Variants in TEDC1 observed in about 807,000 individuals in gnomAD.
TEDC1 encodes the protein tubulin epsilon and delta complex protein 1.
Under a neutral mutation model 59.9 loss-of-function variants are expected in TEDC1, and 54 were observed. The ratio of observed to expected loss-of-function variants is 0.90; its 90% CI spans 0.72 to 1.13. The LOEUF (loss-of-function observed/expected upper bound fraction) is 1.13. Ranked by LOEUF, TEDC1 falls within the 50% of genes most tolerant of loss-of-function variation. The pLI is 0.00. For synonymous variants in TEDC1, 353 were observed against 298.1 expected, an observed-to-expected ratio of 1.18 and a Z score of -1.90; for missense variants, 734 against 683.4, an observed-to-expected ratio of 1.07 and a Z score of -0.83.
chr14:105,492,179 C>G lies in TEDC1; in HGVS notation c.299C>G (p.Pro100Arg). The G allele has an allele frequency of 6.2e-7, 1 of 1,612,984 alleles. No homozygotes were observed. The highest frequency in any genetic ancestry group is 8.5e-7 in the Non-Finnish European group (1 of 1,179,898). Residue 100 changes from proline (P) to arginine (R), a missense_variant, in exon 3 of 9, where the codon CCT (proline) becomes CGT (arginine). Coordinates refer to ENST00000392523, the MANE Select transcript of TEDC1 (RefSeq NM_001367178.1). ...GYPRLALAQL[P>R]EDGSQGSREL... ...CCGAGGCTGGCACTGGCACAACTAC[C>G]TGAGGATGGCTCGCAGGGCAGTCGG...
chr14:105,496,413 G>T lies in TEDC1; in HGVS notation c.891+327G>T, dbSNP rs587727120. 20 of 317,126 alleles carry T rather than the reference G, an allele frequency of 6.3e-5. No individual in the cohort carries two copies. The East Asian group carries it at 1.5e-3, about 25-fold the overall frequency. 19.6% of individuals were successfully genotyped at this position (317,126 alleles called of 1,614,324 possible). The stretch of plus-strand genomic sequence containing the variant: ...GGCCTGCCTGCCTCTGCTCTGCTCC[G>T]CCCCAGAGGGGCTGGGTTGGACCTG... On this transcript the variant is annotated intron_variant, in intron 6 of 8. Transcript: ENST00000392523.
rs781894955 is a variant in TEDC1 at position 105,493,878 on chromosome 14, G to C, written c.629G>C (p.Ser210Thr). Residue 210 changes from serine (S) to threonine (T), a missense_variant, in exon 5 of 9, where the codon AGC becomes ACC. Transcript: ENST00000392523. ...GGCTGCCACAGCGACCAGAGCCTTAGCCATCTGTCTGTCACTGAAGCAGAG... is the reference window on the plus strand; with the variant it reads ...GGCTGCCACAGCGACCAGAGCCTTACCCATCTGTCTGTCACTGAAGCAGAG... ...TRGCHSDQSL[S>T]HLSVTEAEML... The C allele has an allele frequency of 1.0e-5, 16 of 1,591,624 alleles. No homozygotes were observed. The highest frequency in any genetic ancestry group is 1.4e-5 in the Non-Finnish European group (16 of 1,171,306).
In TEDC1 at chr14:105,497,865, G is replaced by A; in HGVS notation, c.1046G>A (p.Trp349Ter). The change falls in exon 8 of 9, where the codon TGG becomes TAG. Residue 349 changes from tryptophan (W) to a stop codon, truncating the protein, a stop_gained. Transcript: ENST00000392523. LOFTEE classifies it high-confidence loss of function. The stretch of plus-strand genomic sequence containing the variant: ...GCCTCACAGCCCACCTTCCTGCCCT[G>A]GGTCCCCGAGCGCGGGGGTGGCGAG... The part of the protein sequence containing the change: ...AAASQPTFLP[W>*]VPERGGGELD... 1 of 1,565,714 alleles carries A rather than the reference G, an allele frequency of 6.4e-7. No homozygotes were observed. Among genetic ancestry groups the A allele is most frequent in the East Asian group, 2.4e-5 (1 of 42,462 alleles).
chr14:105,498,887 C>T lies in TEDC1; in HGVS notation c.1429C>T (p.Leu477=). The change falls in exon 9 of 9, where the codon CTG becomes TTG. Residue 477 remains leucine, a synonymous_variant. Coordinates refer to ENST00000392523, the MANE Select transcript of TEDC1 (RefSeq NM_001367178.1). ...ACTACAGGGACAGTGTCGGCAGGAACTGGCCAGGCTGGTGGGAGCCCGCCC... is the reference window on the plus strand; with the variant it reads ...ACTACAGGGACAGTGTCGGCAGGAATTGGCCAGGCTGGTGGGAGCCCGCCC... ...RRLQGQCRQE[L]ARLVGARPGL... 3.1e-6 allele frequency: 5 copies of T among 1,611,814 alleles called. No homozygotes were observed. The highest frequency in any genetic ancestry group is 4.2e-6 in the Non-Finnish European group (5 of 1,179,732).
At chr14:105,495,660 T>C in intron 5 of TEDC1, 1 of 561,262 alleles carries the variant, frequency 1.8e-6, no homozygotes, top group Non-Finnish European at 3.2e-6. Flanking sequence ...ACCTGCCTTG[T>C]AGAGGCGGCT....
In TEDC1 at chr14:105,496,028, C is replaced by T. The variant is rs1261651654; in HGVS notation, c.833C>T (p.Ala278Val). ...CCAGGTCTGCTGCCGGGTGACTGGG[C>T]AGCACCCTTGGATCCTGGTGGGGCC... ...EQPGLLPGDW[A>V]APLDPGGASA... Residue 278 changes from alanine (A) to valine (V), a missense_variant, in exon 6 of 9, where the codon GCA becomes GTA. Coordinates refer to ENST00000392523, the MANE Select transcript of TEDC1 (RefSeq NM_001367178.1). 6 of 1,549,902 alleles carry T rather than the reference C, an allele frequency of 3.9e-6. No homozygotes were observed. The highest frequency in any genetic ancestry group is 5.2e-6 in the Non-Finnish European group (6 of 1,146,826).
intron 5 of TEDC1, chr14:105,495,463 C>G (rs1329783821): frequency 5.7e-6 from 1 of 175,526 alleles, no homozygotes; most frequent in East Asian, 1.7e-4. Flanking sequence ...CTCTGCAGCC[C>G]AAGCCTGGGG....
Position 105,497,382 on chromosome 14 carries a change from A to G in TEDC1, c.917A>G (p.Asn306Ser). ...RALLRTLERE[N>S]QRLEAVLAWR... ...CTGCTGCGGACTCTGGAGCGTGAGA[A>G]CCAGCGCCTGGAGGCTGTCCTGGCG... is the stretch of plus-strand genomic sequence containing the variant. Residue 306 changes from asparagine (N) to serine (S), a missense_variant, in exon 7 of 9, where the codon AAC (asparagine) becomes AGC (serine). Transcript: ENST00000392523. 6.4e-7 allele frequency: 1 copy of G among 1,552,460 alleles called. No homozygotes were observed.
Position 105,491,443 on chromosome 14 carries a change from T to A in TEDC1, c.68T>A (p.Ile23Asn). The A allele has an allele frequency of 6.9e-7, 1 of 1,451,500 alleles. No homozygotes were observed. Among genetic ancestry groups the A allele is most frequent in the Non-Finnish European group, 9.0e-7 (1 of 1,107,106 alleles). The allele number at this position is 1,451,500 out of a possible 1,614,324, so 89.9% of individuals were successfully genotyped here. The change falls in exon 1 of 9, where the codon ATC becomes AAC. Residue 23 changes from isoleucine (I) to asparagine (N), a missense_variant. Ile to Asn is a moderately radical substitution (Grantham distance 149, BLOSUM62 -3). Coordinates refer to ENST00000392523, the MANE Select transcript of TEDC1 (RefSeq NM_001367178.1). ...CGGGCCGGGGCCCTGCCTGAGGCCA[T>A]CGCCGCGTTGAGTCGGTCGCTGCCC... ...GARAGALPEA[I>N]AALSRSLPSG... is the part of the protein sequence containing the mutation.
Position 105,493,815 on chromosome 14 carries a change from G to A in TEDC1, c.586-20G>A. ...GTGCTTGACTGCCACTCAGCCTGGG[G>A]TCTGCACTACCTGTTTTAGATCCAC... On this transcript the variant is annotated intron_variant, in intron 4 of 8. Coordinates refer to ENST00000392523, the MANE Select transcript of TEDC1 (RefSeq NM_001367178.1). 6.3e-7 allele frequency: 1 copy of A among 1,585,224 alleles called. No homozygotes were observed. Among genetic ancestry groups the A allele is most frequent in the Non-Finnish European group, 8.6e-7 (1 of 1,161,420 alleles).
In TEDC1 at chr14:105,499,073, C is replaced by T. The variant is rs782609556; in HGVS notation, c.*127C>T. The T allele has an allele frequency of 1.2e-4, 130 of 1,055,878 alleles. No homozygotes were observed. Among genetic ancestry groups the T allele is most frequent in the Non-Finnish European group, 1.4e-4 (108 of 748,554 alleles). 65.4% of individuals were successfully genotyped at this position (1,055,878 alleles called of 1,614,324 possible). On this transcript the variant is annotated 3_prime_UTR_variant, in exon 9 of 9. Transcript: ENST00000392523. ...AGATGCAGAGCCCACGTCACATGCT[C>T]GCTCCAGGGGTGGGGCTGGGCTGAC...
chr14:105,491,259 A>G lies in TEDC1; in HGVS notation c.-117A>G, dbSNP rs1555439170. The G allele has an allele frequency of 6.5e-7, 1 of 1,529,424 alleles. No homozygotes were observed. The highest frequency in any genetic ancestry group is 8.8e-7 in the Non-Finnish European group (1 of 1,140,888). 94.7% of individuals were successfully genotyped at this position (1,529,424 alleles called of 1,614,324 possible). ...ATGATTGGGCTCAGGTTCCAGCCGGAGCGGTAACTGGGCGCAGGTCCCAGC... is the reference window on the plus strand; with the variant it reads ...ATGATTGGGCTCAGGTTCCAGCCGGGGCGGTAACTGGGCGCAGGTCCCAGC... On this transcript the variant is annotated 5_prime_UTR_variant, in exon 1 of 9. Coordinates refer to ENST00000392523, the MANE Select transcript of TEDC1 (RefSeq NM_001367178.1).
At chr14:105,495,092 C>T (rs2084315435) in intron 5 of TEDC1, 1 of 152,328 alleles carries the variant, frequency 6.6e-6, no homozygotes, top group Non-Finnish European at 1.5e-5. Flanking sequence ...AGGCTGGTCT[C>T]GAACTCCTGA....
intron 6 of TEDC1, 179 bp from the exon 7 acceptor site, chr14:105,497,178 C>G: frequency 1.5e-6 from 1 of 684,770 alleles, no homozygotes; most frequent in Admixed American, 2.5e-5. Context: ...CGCACCACAC[C>G]AGGGTGCCCT....
intron 8 of TEDC1, 42 bp from the exon 9 acceptor site, chr14:105,498,575 T>G (rs782280793): frequency 3.4e-5 from 51 of 1,480,134 alleles, no homozygotes; most frequent in Non-Finnish European, 4.5e-5. Flanking sequence ...CTGAGGCCAG[T>G]GTCCTGGGGG....
upstream of TEDC1, chr14:105,491,112 C>G (rs1567071558): frequency 6.4e-7 from 1 of 1,551,310 alleles, no homozygotes; most frequent in African/African-American, 1.4e-5. Context: ...CATGTCCGGC[C>G]AGCGCGGTGA....
intron 6 of TEDC1, 68 bp downstream of exon 6, chr14:105,496,154 A>C: frequency 2.5e-5 from 2 of 80,026 alleles, no homozygotes; most frequent in Middle Eastern, 4.1e-3. Context: ...GGGGGTGGCG[A>C]GGGGGTGTGT....
chr14:105,494,862 CTT>C (rs1206316612), intron 5 of TEDC1: 2 of 98,776 alleles, frequency 2.0e-5, no homozygotes, highest in Middle Eastern at 4.3e-3. Flanking sequence ...GGCTGCCACT[CTT>C]TTAATTTATT....
In TEDC1 at chr14:105,493,930, G is replaced by C. The variant is rs1595473222; in HGVS notation, c.681G>C (p.Gln227His). 1 of 1,582,738 alleles carries C rather than the reference G, an allele frequency of 6.3e-7. No homozygotes were observed. Among genetic ancestry groups the C allele is most frequent in the East Asian group, 2.2e-5 (1 of 44,596 alleles). Residue 227 changes from glutamine to histidine, a missense_variant, in exon 5 of 9, where the codon CAG becomes CAC. Physicochemically the swap from Gln to His is conservative, Grantham distance 24. Transcript: ENST00000392523. Reference protein sequence around the residue: ...AEMLRDPEGGQQVSGAGAAQN... With the variant: ...AEMLRDPEGGHQVSGAGAAQN... Reference sequence around the variant, plus strand: ...TGCTCAGGGACCCAGAGGGAGGCCAGCAGGTGAGGGCGGGCAAGCTGCTGC... The same window carrying C: ...TGCTCAGGGACCCAGAGGGAGGCCACCAGGTGAGGGCGGGCAAGCTGCTGC...
Sources: allele counts gnomAD v4.1 joint callset, GRCh38; gene constraint gnomAD v4.1.1; transcripts MANE v1.5; gene names NCBI Gene and HGNC (gene_info 2026-07-23, HGNC 2026-07-21).